EPHB4: variants seen among roughly 807,000 people sequenced by gnomAD.
EPHB4 encodes the protein EPH receptor B4.
Under a neutral mutation model 110.6 loss-of-function variants are expected in EPHB4, and 50 were observed. That is an observed-to-expected ratio of 0.45 (90% confidence interval 0.36 to 0.57). The LOEUF (loss-of-function observed/expected upper bound fraction) is 0.57, where lower values mean the gene tolerates loss of function less well. Among genes scored for constraint, EPHB4 ranks in the 20% least tolerant of loss-of-function variants. The pLI is 0.00. For missense variants in EPHB4, 1,128 were observed against 1,382.1 expected, an observed-to-expected ratio of 0.82 and a Z score of 2.91; for synonymous variants, 592 against 578.4, an observed-to-expected ratio of 1.02 and a Z score of -0.34.
At chr7:100,807,756 G>A (rs1183824511) in intron 12 of EPHB4, among the ~76,000 whole-genome samples, 176 bp from the exon 13 acceptor site, 1 of 152,004 alleles carries the variant, frequency 6.6e-6, no homozygotes, top group Non-Finnish European at 1.5e-5. Context: ...AGCCTCCTGA[G>A]TAGCTGGAAC....
chr7:100,827,190 G>A lies in EPHB4; in HGVS notation c.-160C>T. 1 of 600,016 alleles carries A rather than the reference G, an allele frequency of 1.7e-6. No individual in the cohort carries two copies. Among genetic ancestry groups the A allele is most frequent in the South Asian group, 5.1e-5 (1 of 19,776 alleles). The allele number at this position is 600,016 out of a possible 1,614,324, so 37.2% of individuals were successfully genotyped here. On this transcript the variant is annotated 5_prime_UTR_variant, in exon 1 of 17. Coordinates refer to ENST00000358173, the MANE Select transcript of EPHB4 (RefSeq NM_004444.5). ...GCGAGCGTGCGGGGCACCGGGCGGC[G>A]GCGCCAAGTGTGGCCCCGCGTCTGT...
At chr7:100,820,451 C>A in intron 4 of EPHB4, 155 bp from the exon 5 acceptor site, 1 of 632,266 alleles carries the variant, frequency 1.6e-6, no homozygotes, top group Non-Finnish European at 2.3e-6. Context: ...GGCAACATAT[C>A]GAGATCCCAT....
intron 13 of EPHB4, among the ~76,000 whole-genome samples, chr7:100,807,075 G>A (rs142343413): frequency 0.019 from 2,917 of 152,230 alleles, 89 homozygotes; most frequent in African/African-American, 0.066. Context: ...CAATCCTCCT[G>A]CCTCAACCTC....
intron 12 of EPHB4, 30 bp downstream of exon 12, chr7:100,812,717 G>A: frequency 6.3e-7 from 1 of 1,598,290 alleles, no homozygotes; most frequent in Non-Finnish European, 8.5e-7. Context: ...GGAACTCCGG[G>A]TGGCCGCAGA....
chr7:100,827,460 G>T lies in EPHB4; in HGVS notation c.-430C>A. ...GCCCGAGCGGGGACGGAGCGGGAGG[G>T]AGGGAGACTGCGGCGCGGAGCCGGG... is the stretch of plus-strand genomic sequence containing the variant. On this transcript the variant is annotated 5_prime_UTR_variant, in exon 1 of 17. Transcript: ENST00000358173. 6.6e-6 allele frequency: 1 copy of T among 151,132 alleles called. No homozygotes were observed. The highest frequency in any genetic ancestry group is 1.9e-4 in the South Asian group (1 of 5,172). The allele number at this position is 151,132 out of a possible 1,614,324, so 9.4% of individuals were successfully genotyped here.
Position 100,806,686 on chromosome 7 carries a change from A to G in EPHB4, c.2335-117T>C. 2.5e-6 allele frequency: 3 copies of G among 1,222,562 alleles called. No homozygotes were observed. The South Asian group carries it at 4.5e-5, about 19-fold the overall frequency. The allele number at this position is 1,222,562 out of a possible 1,614,324, so 75.7% of individuals were successfully genotyped here. A position where few individuals can be genotyped will look rare whatever the true frequency, so the allele number is the denominator to read the frequency against. ...CTTTTTCCCCCTAGCTCAGGCCCCAAGCCTCCTACTCTCCAACTCTGTTTG... is the reference window on the plus strand; with the variant it reads ...CTTTTTCCCCCTAGCTCAGGCCCCAGGCCTCCTACTCTCCAACTCTGTTTG... On this transcript the variant is annotated intron_variant, in intron 13 of 16. Coordinates refer to ENST00000358173, the MANE Select transcript of EPHB4 (RefSeq NM_004444.5).
chr7:100,820,783 G>A (rs562679733), intron 4 of EPHB4, among the ~76,000 whole-genome samples: 7 of 152,070 alleles, frequency 4.6e-5, no homozygotes, highest in Non-Finnish European at 1.0e-4. Context: ...TTAACATATA[G>A]CAGCAAGTCT....
chr7:100,813,355 C>T (rs1327899633), intron 10 of EPHB4, 147 bp from the exon 11 acceptor site: 1 of 664,132 alleles, frequency 1.5e-6, no homozygotes, highest in Non-Finnish European at 2.4e-6. Context: ...CGCTCTGTCA[C>T]CCAGGCCTGG....
intron 12 of EPHB4, 73 bp from the exon 13 acceptor site, chr7:100,807,653 T>C: frequency 6.7e-7 from 1 of 1,484,386 alleles, no homozygotes; most frequent in Non-Finnish European, 9.2e-7. Context: ...CACATCTTTT[T>C]TTTTTAGAGA....
At chr7:100,820,064 T>TG (rs1813181394) in intron 5 of EPHB4, 77 bp downstream of exon 5, 1 of 1,560,006 alleles carries the variant, frequency 6.4e-7, no homozygotes, top group Admixed American at 1.8e-5. Flanking sequence ...CCAGGGAGGA[T>TG]GGGGGCCATG....
At chr7:100,805,060 C>A in intron 16 of EPHB4, 106 bp downstream of exon 16, 1 of 1,386,618 alleles carries the variant, frequency 7.2e-7, no homozygotes, top group Admixed American at 2.3e-5. Flanking sequence ...TGCAAGAAGA[C>A]AGCATTGGCA....
At chr7:100,824,584 A>C in intron 1 of EPHB4, 2 of 345,264 alleles carry the variant, frequency 5.8e-6, no homozygotes, top group East Asian at 6.0e-5. Context: ...AAGGGTTAAA[A>C]TGAGAGCTGC....
chr7:100,821,758 T>G (rs73172604), intron 4 of EPHB4, among the ~76,000 whole-genome samples: 13,886 of 152,002 alleles, frequency 0.091, 700 homozygotes, highest in African/African-American at 0.13. Context: ...CATGAACCAC[T>G]GTGTCAGGCA....
At position 100,824,364 on chromosome 7, in the gene EPHB4, T is replaced by C; in HGVS notation, c.53-91A>G. 53 of 1,377,208 alleles carry C rather than the reference T, an allele frequency of 3.8e-5. 1 individual carries two copies. The South Asian group carries it at 6.1e-4, about 16-fold the overall frequency. The allele number at this position is 1,377,208 out of a possible 1,614,324, so 85.3% of individuals were successfully genotyped here. On this transcript the variant is annotated intron_variant, in intron 1 of 16. Coordinates refer to ENST00000358173, the MANE Select transcript of EPHB4 (RefSeq NM_004444.5). ...CCTGGGAACCGAGGCAGGTGGATCC[T>C]CTTAGCTCTGAGCTAGAGGAGTTGG...
chr7:100,810,867 A>G (rs1211287201), intron 12 of EPHB4, among the ~76,000 whole-genome samples: 1 of 152,222 alleles, frequency 6.6e-6, no homozygotes, highest in Non-Finnish European at 1.5e-5. Context: ...GTGAAAATCA[A>G]CTGGGTATTC....
At chr7:100,807,258 T>A (rs1812836546) in intron 13 of EPHB4, 107 bp downstream of exon 13, 4 of 1,166,136 alleles carry the variant, frequency 3.4e-6, no homozygotes, top group Admixed American at 2.0e-5. Context: ...TGCTCCTGTA[T>A]CCTCTCCCTG....
intron 1 of EPHB4, among the ~76,000 whole-genome samples, chr7:100,826,362 G>C (rs1307368288): frequency 6.6e-6 from 1 of 152,148 alleles, no homozygotes; most frequent in African/African-American, 2.4e-5. Flanking sequence ...CCGGGGTCTA[G>C]ACCGCATTTA....
In EPHB4 at chr7:100,822,365, G is replaced by A. The variant is rs1156255824; in HGVS notation, c.714C>T (p.Tyr238=). 4 of 1,573,340 alleles carry A rather than the reference G, an allele frequency of 2.5e-6. No individual in the cohort carries two copies. Among genetic ancestry groups the A allele is most frequent in the East Asian group, 2.3e-5 (1 of 43,064 alleles). ...VPAPGPSPSL[Y]CREDGQWAEQ... is the part of the protein sequence containing the mutation. ...CGGCCCACTGGCCATCCTCACGGCA[G>A]TAGAGGCTGGGGCTGGGGCCAGGGG... The change falls in exon 4 of 17, where the codon TAC becomes TAT. Residue 238 remains tyrosine (Y), a synonymous_variant. Transcript: ENST00000358173. This position sits in a 1 kb window ranked among gnomAD's most constrained non-coding sequence, Gnocchi z 4.7.
Position 100,812,813 on chromosome 7 carries a change from G to A in EPHB4, c.2052C>T (p.Thr684=). ...TGAGAATCATGACGGGCATGCTGTT[G>A]GTGACCACGCCCTCCAGGCGGATGA... The part of the protein sequence containing the change: ...PNIIRLEGVV[T]NSMPVMILTE... The change falls in exon 12 of 17, where the codon ACC becomes ACT. Residue 684 remains threonine, a synonymous_variant. Transcript: ENST00000358173. 1.2e-6 allele frequency: 2 copies of A among 1,614,190 alleles called. No individual in the cohort carries two copies. The highest frequency in any genetic ancestry group is 1.7e-6 in the Non-Finnish European group (2 of 1,180,042).
Sources: gnomAD v4.1 joint callset for allele counts (sites outside exome capture counted in the v4.1 genomes callset) on GRCh38, gnomAD v4.1.1 for gene constraint, Gnocchi (gnomAD v3.1) non-coding constraint, MANE v1.5 for transcripts, NCBI Gene and HGNC (gene_info 2026-07-23, HGNC 2026-07-21) for gene names.